Variants in UBAP2L observed in about 807,000 individuals in gnomAD.
UBAP2L encodes the protein ubiquitin associated protein 2 like, also known as ubiquitin-associated protein 2-like.
UBAP2L carries 12 observed loss-of-function variants against 130.6 expected under a neutral mutation model. The observed-to-expected ratio is 0.09, with a 90% CI of 0.06 to 0.15. UBAP2L has a LOEUF of 0.15. UBAP2L is among the 10% of genes least tolerant of loss of function. The pLI is 1.00. For missense variants in UBAP2L, 965 were observed against 1,332.5 expected (o/e 0.72, Z 4.29); for synonymous variants, 503 against 524.7 (o/e 0.96, Z 0.57).
At chr1:154,226,023 A>G (rs1273761634) in intron 2 of UBAP2L, among the ~76,000 whole-genome samples, 1 of 152,230 alleles carries the variant, frequency 6.6e-6, no homozygotes, top group Non-Finnish European at 1.5e-5. Context: ...CGTGTTGGTC[A>G]GGCTGGTCTC....
intron 8 of UBAP2L, among the ~76,000 whole-genome samples, chr1:154,240,384 A>G (rs1450523677): frequency 6.6e-6 from 1 of 151,850 alleles, no homozygotes; most frequent in African/African-American, 2.4e-5. Flanking sequence ...TTGCTTTTGG[A>G]TTTCTCCAGT....
At chr1:154,250,002 T>A (rs944993912) in intron 12 of UBAP2L, among the ~76,000 whole-genome samples, 2 of 152,208 alleles carry the variant, frequency 1.3e-5, no homozygotes, top group Admixed American at 1.3e-4. Flanking sequence ...TCCAGGTTCT[T>A]AGGCTTAGCC....
intron 2 of UBAP2L, among the ~76,000 whole-genome samples, chr1:154,226,092 G>C (rs1255200469): frequency 6.6e-6 from 1 of 152,206 alleles, no homozygotes; most frequent in Non-Finnish European, 1.5e-5. Flanking sequence ...GGGATTATAG[G>C]CATGAGCCGC....
At chr1:154,271,046 C>A, downstream of UBAP2L, 1 of 1,144,032 alleles carries the variant, frequency 8.7e-7, no homozygotes, top group Non-Finnish European at 1.2e-6. Flanking sequence ...AGGGGATTTC[C>A]TTCCCCTCAC....
intron 11 of UBAP2L, among the ~76,000 whole-genome samples, chr1:154,248,473 T>C (rs1676355762): frequency 6.6e-6 from 1 of 152,194 alleles, no homozygotes; most frequent in Non-Finnish European, 1.5e-5. Context: ...AGGACCTTAA[T>C]GGCAAAAGTA....
intron 11 of UBAP2L, among the ~76,000 whole-genome samples, chr1:154,248,668 T>G (rs1240850429): frequency 1.3e-5 from 2 of 151,948 alleles, no homozygotes; most frequent in African/African-American, 4.8e-5. Flanking sequence ...TACAAAAAAT[T>G]AGCCGGGTGT....
intron 20 of UBAP2L, 105 bp from the exon 21 acceptor site, chr1:154,258,872 C>T: frequency 1.1e-6 from 1 of 917,894 alleles, no homozygotes; most frequent in Non-Finnish European, 1.8e-6. Context: ...CTGTTCTAAC[C>T]CAGAATGAGG....
chr1:154,248,573 T>C (rs764387129), intron 11 of UBAP2L, among the ~76,000 whole-genome samples: 5 of 152,146 alleles, frequency 3.3e-5, no homozygotes, highest in Admixed American at 6.5e-5. Flanking sequence ...TCCCAGCACT[T>C]TGGGAGGCCG....
At chr1:154,271,135 G>T (rs1684660297), downstream of UBAP2L, 6 of 586,932 alleles carry the variant, frequency 1.0e-5, no homozygotes, top group Admixed American at 9.4e-5. Flanking sequence ...TACATCTACA[G>T]CCGATTTCAG....
intron 11 of UBAP2L, among the ~76,000 whole-genome samples, chr1:154,248,256 C>G (rs116086111): frequency 6.6e-6 from 1 of 152,100 alleles, no homozygotes; most frequent in Non-Finnish European, 1.5e-5. Context: ...CGTGAGCCAC[C>G]GCATTCGGCC....
Position 154,228,673 on chromosome 1 carries a change from A to G in UBAP2L, c.227A>G (p.Asn76Ser). The change falls in exon 4 of 27, where the codon AAT (asparagine) becomes AGT (serine). Residue 76 changes from asparagine (N) to serine (S), a missense_variant. By Grantham distance (46) the Asn-to-Ser change is conservative. Coordinates refer to ENST00000428931, the MANE Select transcript of UBAP2L (RefSeq NM_014847.4). ...DECVIALHDC[N>S]GDVNRAINVL... ...TGTGTGATTGCTTTGCATGACTGCA[A>G]TGGAGATGTCAACAGAGCTATCAAT... is the stretch of plus-strand genomic sequence containing the variant. 1 of 1,613,788 alleles carries G rather than the reference A, an allele frequency of 6.2e-7. No homozygotes were observed. The highest frequency in any genetic ancestry group is 8.5e-7 in the Non-Finnish European group (1 of 1,179,884).
chr1:154,261,194 T>G, intron 23 of UBAP2L, 85 bp downstream of exon 23: 1 of 1,407,908 alleles, frequency 7.1e-7, no homozygotes, highest in African/African-American at 1.4e-5. Flanking sequence ...GTCAATGACT[T>G]TAATAATGGA....
intron 25 of UBAP2L, 150 bp downstream of exon 25, chr1:154,266,718 ACTT>A: frequency 1.3e-6 from 1 of 786,322 alleles, no homozygotes; most frequent in Non-Finnish European, 2.1e-6. Flanking sequence ...TCTTCTCTAG[ACTT>A]CACTTCCTCT....
intron 12 of UBAP2L, 132 bp from the exon 13 acceptor site, chr1:154,250,909 C>A (rs1176907821): frequency 3.4e-6 from 3 of 875,134 alleles, no homozygotes; most frequent in Non-Finnish European, 5.1e-6. Flanking sequence ...TGAGATTAAG[C>A]CCCAAAAGAG....
chr1:154,256,082 G>C (rs1364855112), intron 18 of UBAP2L, among the ~76,000 whole-genome samples: 1 of 152,170 alleles, frequency 6.6e-6, no homozygotes, highest in Non-Finnish European at 1.5e-5. Flanking sequence ...CTCTTTCCTT[G>C]GTCTTGGGTA....
At chr1:154,254,973 G>A (rs1359362878) in intron 16 of UBAP2L, 83 bp downstream of exon 16, 15 of 1,498,546 alleles carry the variant, frequency 1.0e-5, no homozygotes, top group Non-Finnish European at 1.3e-5. Context: ...TCCCTTCACT[G>A]GACAATTGAG....
In UBAP2L at chr1:154,246,311, G is replaced by A; in HGVS notation, c.950G>A (p.Ser317Asn). The A allele has an allele frequency of 6.2e-7, 1 of 1,613,756 alleles. No homozygotes were observed. Among genetic ancestry groups the A allele is most frequent in the Non-Finnish European group, 8.5e-7 (1 of 1,179,904 alleles). Residue 317 changes from serine (S) to asparagine (N), a missense_variant, in exon 11 of 27, where the codon AGT becomes AAT. This residue lies in a region of UBAP2L where 99 missense variants were observed against 106.4 expected (regional missense o/e 0.93). Coordinates refer to ENST00000428931, the MANE Select transcript of UBAP2L (RefSeq NM_014847.4). ...TCTCTGGCCCAGCCTCTGGTGTTCA[G>A]TAATTCGAAGCAGACTGCCATATCA... ...APSLAQPLVFSNSKQTAISQP... is the reference protein window; with the variant it reads ...APSLAQPLVFNNSKQTAISQP...
At chr1:154,244,799 T>C (rs371102423) in intron 10 of UBAP2L, among the ~76,000 whole-genome samples, 4 of 152,160 alleles carry the variant, frequency 2.6e-5, no homozygotes, top group African/African-American at 4.8e-5. Flanking sequence ...CCAAATCTTA[T>C]TGTTATGAGT....
chr1:154,259,899 G>C (rs1680980890), intron 21 of UBAP2L, 49 bp from the exon 22 acceptor site: 4 of 1,538,266 alleles, frequency 2.6e-6, no homozygotes, highest in Non-Finnish European at 3.6e-6. Flanking sequence ...TACTCATGCT[G>C]GGGAATGAGT....
Sources: allele counts gnomAD v4.1 joint callset (sites outside exome capture counted in the v4.1 genomes callset), GRCh38; gene constraint gnomAD v4.1.1; regional missense constraint gnomAD v4.1.1; transcripts MANE v1.5; gene names NCBI Gene and HGNC (gene_info 2026-07-23, HGNC 2026-07-21).